SENP2: variants seen among roughly 807,000 people sequenced by gnomAD.
The protein encoded by SENP2 is sentrin-specific protease 2.
SENP2 carries 16 observed loss-of-function variants against 86.3 expected under a neutral mutation model. The ratio of observed to expected loss-of-function variants is 0.19; its 90% CI spans 0.13 to 0.28. The LOEUF (loss-of-function observed/expected upper bound fraction) is 0.28, where lower values mean the gene tolerates loss of function less well. Ranked by LOEUF, SENP2 falls within the 10% of genes least tolerant of loss-of-function variation. The pLI is 1.00. For synonymous variants in SENP2, 222 were observed against 238.7 expected (o/e 0.93, Z 0.64); for missense variants, 552 against 703.0 (o/e 0.79, Z 2.43).
chr3:185,622,992 T>G (rs1292362498), intron 14 of SENP2, among the ~76,000 whole-genome samples: 1 of 151,998 alleles, frequency 6.6e-6, no homozygotes, highest in African/African-American at 2.4e-5. Context: ...AATTTTTGAA[T>G]TTTTAGTAGA....
In SENP2 at chr3:185,586,610, C is replaced by G; in HGVS notation, c.101+96C>G. 1.7e-6 allele frequency: 2 copies of G among 1,163,804 alleles called. No individual in the cohort carries two copies. The highest frequency in any genetic ancestry group is 2.4e-5 in the East Asian group (1 of 41,748). 72.1% of individuals were successfully genotyped at this position (1,163,804 alleles called of 1,614,324 possible). On this transcript the variant is annotated intron_variant, in intron 1 of 16. Transcript: ENST00000296257. This position sits in a 1 kb window ranked among gnomAD's most constrained non-coding sequence, Gnocchi z 4.3. ...TAGCTTTGATTCAGCCAGGCTCACC[C>G]GAAACAGGTCGCCGGGATCCTAGTG...
chr3:185,590,254 C>G (rs2148979332), intron 2 of SENP2, 85 bp downstream of exon 2: 3 of 716,272 alleles, frequency 4.2e-6, no homozygotes, highest in Non-Finnish European at 6.6e-6. Context: ...TAAAAAGTAT[C>G]TGGTAAAAAG....
Position 185,633,522 on chromosome 3 carries a change from A to G in SENP2, c.*3678A>G, listed in dbSNP as rs1480646649. The G allele has an allele frequency of 1.3e-5, 2 of 152,048 alleles. No homozygotes were observed. Among genetic ancestry groups the G allele is most frequent in the African/African-American group, 4.8e-5 (2 of 41,372 alleles). The allele number at this position is 152,048 out of a possible 1,614,324, so 9.4% of individuals were successfully genotyped here. On this transcript the variant is annotated 3_prime_UTR_variant, in exon 17 of 17. Transcript: ENST00000296257. ...ATTAAAATAGGTGTTAATTTTATCT[A>G]TTTACCAATAAATTCATCTCTTTAA... is the stretch of plus-strand genomic sequence containing the variant.
intron 11 of SENP2, among the ~76,000 whole-genome samples, chr3:185,616,775 CAA>C (rs34897313): frequency 7.4e-5 from 9 of 122,090 alleles, no homozygotes; most frequent in East Asian, 2.7e-4. Flanking sequence ...ACTCCGTCTC[CAA>C]AAAAAAAAAA....
chr3:185,595,198 T>G (rs547995631), intron 2 of SENP2, among the ~76,000 whole-genome samples: 1 of 152,320 alleles, frequency 6.6e-6, no homozygotes, highest in South Asian at 2.1e-4. Flanking sequence ...TTGATAACAT[T>G]CGTAGGAAAA....
intron 7 of SENP2, among the ~76,000 whole-genome samples, chr3:185,609,730 A>G (rs539865486): frequency 1.5e-5 from 2 of 130,598 alleles, no homozygotes; most frequent in African/African-American, 3.0e-5. Context: ...CATTTCTCCC[A>G]TCTCCCTTCC....
chr3:185,598,975 A>G lies in SENP2; in HGVS notation c.309A>G (p.Ser103=), dbSNP rs901051922. 1 of 1,613,026 alleles carries G rather than the reference A, an allele frequency of 6.2e-7. No individual in the cohort carries two copies. Among genetic ancestry groups the G allele is most frequent in the African/African-American group, 1.3e-5 (1 of 74,894 alleles). The change falls in exon 4 of 17, where the codon TCA becomes TCG. Residue 103 remains serine, a synonymous_variant. Coordinates refer to ENST00000296257, the MANE Select transcript of SENP2 (RefSeq NM_021627.3). The part of the protein sequence containing the change: ...APSGEVFSNS[S]SCELTGSGSW... ...ATTTTAAGGTATTTTCGAACTCTTC[A>G]TCTTGTGAACTGACAGGTTCTGGAT...
intron 11 of SENP2, among the ~76,000 whole-genome samples, chr3:185,617,189 C>T (rs1264961241): frequency 6.6e-6 from 1 of 152,080 alleles, no homozygotes; most frequent in African/African-American, 2.4e-5. Flanking sequence ...ATTTTCAGGG[C>T]TGGTGCAGTG....
chr3:185,618,190 C>T (rs1382674617), intron 12 of SENP2, among the ~76,000 whole-genome samples: 2 of 152,280 alleles, frequency 1.3e-5, no homozygotes, highest in Middle Eastern at 3.4e-3. Context: ...GTGATCCGCC[C>T]GCCTTGGCCT....
chr3:185,626,976 G>C (rs1391651646), intron 16 of SENP2, among the ~76,000 whole-genome samples: 3 of 151,634 alleles, frequency 2.0e-5, no homozygotes, highest in Non-Finnish European at 4.4e-5. Context: ...TAGGGAGGCA[G>C]GCTGAGGCAG....
chr3:185,614,788 C>T (rs760595738), intron 11 of SENP2, 48 bp downstream of exon 11: 9 of 1,560,298 alleles, frequency 5.8e-6, no homozygotes, highest in Non-Finnish European at 7.0e-6. Context: ...CTTTAAATAA[C>T]CTCAGTTATT....
intron 6 of SENP2, among the ~76,000 whole-genome samples, chr3:185,608,202 G>C (rs1426266549): frequency 6.6e-6 from 1 of 152,220 alleles, no homozygotes; most frequent in East Asian, 1.9e-4. Context: ...TTGATAAGGA[G>C]GCAGAGAGTA....
intron 6 of SENP2, 129 bp downstream of exon 6, chr3:185,606,627 A>G: frequency 1.2e-6 from 1 of 802,742 alleles, no homozygotes; most frequent in South Asian, 2.1e-5. Context: ...ACAGCCTCCA[A>G]CAAAATGAGG....
chr3:185,628,186 G>T (rs1209284083), intron 16 of SENP2, among the ~76,000 whole-genome samples: 1 of 152,092 alleles, frequency 6.6e-6, no homozygotes, highest in Non-Finnish European at 1.5e-5. Flanking sequence ...GCCCAGGCTG[G>T]AGTGCAGTGT....
chr3:185,613,463 T>C (rs1258044105), intron 10 of SENP2, 55 bp downstream of exon 10: 1 of 1,074,470 alleles, frequency 9.3e-7, no homozygotes, highest in Non-Finnish European at 1.4e-6. Context: ...AACTTATGTT[T>C]TGGTGCCCAT....
At chr3:185,625,407 G>A (rs922910335) in intron 15 of SENP2, among the ~76,000 whole-genome samples, 1 of 152,048 alleles carries the variant, frequency 6.6e-6, no homozygotes, top group Non-Finnish European at 1.5e-5. Context: ...CACCGTACCC[G>A]GCCACTAGGC....
intron 13 of SENP2, among the ~76,000 whole-genome samples, chr3:185,621,609 C>T (rs943584780): frequency 4.0e-5 from 6 of 151,646 alleles, no homozygotes; most frequent in South Asian, 2.1e-4. Context: ...AGGCTGGTCT[C>T]GAACTCCTGA....
Position 185,628,694 on chromosome 3 carries a change from C to T in SENP2, c.1708-1088C>T, listed in dbSNP as rs558063961. On this transcript the variant is annotated intron_variant, in intron 16 of 16. Coordinates refer to ENST00000296257, the MANE Select transcript of SENP2 (RefSeq NM_021627.3). ...GCTAATTTTGTATTTTTAGTAGAGACGGGGTTTCTCCATGTTGGTCAGGCT... is the reference window on the plus strand; with the variant it reads ...GCTAATTTTGTATTTTTAGTAGAGATGGGGTTTCTCCATGTTGGTCAGGCT... 3.3e-5 allele frequency among the ~76,000 whole-genome samples: 5 copies of T among 152,090 alleles called. No homozygotes were observed. In the South Asian group the frequency reaches 6.2e-4, roughly 19 times the overall value.
At chr3:185,629,669 A>G (rs1398351854) in intron 16 of SENP2, 113 bp from the exon 17 acceptor site, 8 of 983,318 alleles carry the variant, frequency 8.1e-6, no homozygotes, top group Non-Finnish European at 1.3e-5. Flanking sequence ...AAAAATGTCA[A>G]CACTTAGAAA....
Sources: allele counts gnomAD v4.1 joint callset (sites outside exome capture counted in the v4.1 genomes callset), GRCh38; gene constraint gnomAD v4.1.1; non-coding constraint Gnocchi (gnomAD v3.1); transcripts MANE v1.5; gene names NCBI Gene and HGNC (gene_info 2026-07-23, HGNC 2026-07-21).